EPS15: variants seen among roughly 807,000 people sequenced by gnomAD.
EPS15 encodes epidermal growth factor receptor substrate 15.
In EPS15, 72 loss-of-function variants were observed where a neutral mutation model predicts 113.8. The observed-to-expected ratio is 0.63, with a 90% CI of 0.52 to 0.77. The LOEUF (loss-of-function observed/expected upper bound fraction) is 0.77, where lower values mean the gene tolerates loss of function less well. EPS15 is among the 30% of genes least tolerant of loss of function. The pLI, the probability that EPS15 is intolerant of heterozygous loss-of-function variation, is 0.00. For missense variants in EPS15, 1,048 were observed against 1,045.8 expected, an observed-to-expected ratio of 1.00 and a Z score of -0.03; for synonymous variants, 344 against 363.4, an observed-to-expected ratio of 0.95 and a Z score of 0.61.
chr1:51,476,061 C>T (rs757446610), intron 2 of EPS15, among the ~76,000 whole-genome samples: 1 of 151,990 alleles, frequency 6.6e-6, no homozygotes, highest in Admixed American at 6.6e-5. Flanking sequence ...GGTACTAGTC[C>T]CATGCTGTTT....
chr1:51,451,246 T>A (rs1018075969), intron 8 of EPS15, among the ~76,000 whole-genome samples: 1 of 151,770 alleles, frequency 6.6e-6, no homozygotes, highest in African/African-American at 2.4e-5. Flanking sequence ...CCTAGCACTT[T>A]GGGAGGCTGA....
chr1:51,443,641 CT>C (rs1652774719), intron 11 of EPS15, among the ~76,000 whole-genome samples: 1 of 151,334 alleles, frequency 6.6e-6, no homozygotes, highest in Non-Finnish European at 1.5e-5. Flanking sequence ...AATTTTCTTT[CT>C]TTCTTTCTTT....
intron 1 of EPS15, among the ~76,000 whole-genome samples, chr1:51,481,942 G>A (rs942970094): frequency 6.6e-6 from 1 of 152,178 alleles, no homozygotes; most frequent in African/African-American, 2.4e-5. Context: ...GGCTGAGGCA[G>A]GAGGACTGCT....
chr1:51,453,908 G>A (rs1653768283), intron 8 of EPS15, among the ~76,000 whole-genome samples: 1 of 151,910 alleles, frequency 6.6e-6, no homozygotes, highest in Admixed American at 6.6e-5. Context: ...AAATTAGCTG[G>A]GCGTGGTGGC....
chr1:51,476,561 T>C (rs1643907609), intron 2 of EPS15, among the ~76,000 whole-genome samples: 2 of 152,326 alleles, frequency 1.3e-5, no homozygotes, highest in East Asian at 1.9e-4. Flanking sequence ...TATCATTTTT[T>C]ATTGCGTCTA....
rs541113424 is a variant in EPS15, at chr1:51,354,339, G to A, written c.*2361C>T. On this transcript the variant is annotated 3_prime_UTR_variant, in exon 25 of 25. Transcript: ENST00000371733. ...TTACATATATTAATCTGTGCTGATTGTATGTACCTACTCCTCCTTGGACAC... is the reference window on the plus strand; with the variant it reads ...TTACATATATTAATCTGTGCTGATTATATGTACCTACTCCTCCTTGGACAC... 1 of 179,546 alleles carries A rather than the reference G, an allele frequency of 5.6e-6. No individual in the cohort carries two copies. The allele number at this position is 179,546 out of a possible 1,614,324, so 11.1% of individuals were successfully genotyped here. A position where few individuals can be genotyped will look rare whatever the true frequency, so the allele number is the denominator to read the frequency against.
At chr1:51,393,459 C>T (rs1647596832) in intron 21 of EPS15, among the ~76,000 whole-genome samples, 1 of 152,218 alleles carries the variant, frequency 6.6e-6, no homozygotes, top group African/African-American at 2.4e-5. Context: ...GCCTTGGTTT[C>T]CCAAAATGCT....
At chr1:51,434,297 T>C (rs943422260) in intron 12 of EPS15, among the ~76,000 whole-genome samples, 9 of 152,172 alleles carry the variant, frequency 5.9e-5, no homozygotes, top group African/African-American at 2.2e-4. Context: ...ACAACCCAAA[T>C]GTCCATCAAT....
chr1:51,441,802 T>C (rs1214678238), intron 11 of EPS15, among the ~76,000 whole-genome samples: 4 of 152,154 alleles, frequency 2.6e-5, no homozygotes, highest in African/African-American at 4.8e-5. Context: ...AGCCAATACG[T>C]AGTTTAATCA....
chr1:51,371,001 C>T (rs1646635281), intron 21 of EPS15, among the ~76,000 whole-genome samples: 1 of 152,112 alleles, frequency 6.6e-6, no homozygotes, highest in South Asian at 2.1e-4. Flanking sequence ...CTGCAACTTC[C>T]ACCTCCCGGG....
At chr1:51,409,306 T>A (rs557954452) in intron 14 of EPS15, among the ~76,000 whole-genome samples, 1 of 152,242 alleles carries the variant, frequency 6.6e-6, no homozygotes, top group South Asian at 2.1e-4. Context: ...ATAGGCACCA[T>A]ATTTCCAACA....
chr1:51,374,519 G>A lies in EPS15; in HGVS notation c.2120-8490C>T, dbSNP rs567986814. Among the ~76,000 whole-genome samples, 7 of 152,104 alleles carry A rather than the reference G, an allele frequency of 4.6e-5. No individual in the cohort carries two copies. In the South Asian group the frequency reaches 1.5e-3, roughly 32 times the overall value. On this transcript the variant is annotated intron_variant, in intron 21 of 24. Transcript: ENST00000371733. ...CTCGGGAGGGTGAGGCAGGAGAATC[G>A]CTTGAACCTGGGAGGCGGAGGTTGC...
chr1:51,458,704 T>G (rs1654206054), intron 8 of EPS15: 2 of 274,424 alleles, frequency 7.3e-6, no homozygotes, highest in Non-Finnish European at 1.5e-5. Flanking sequence ...GCCACTGCAC[T>G]CCAGCCTGAG....
chr1:51,469,114 A>G (rs553706882), intron 4 of EPS15, among the ~76,000 whole-genome samples: 1 of 151,466 alleles, frequency 6.6e-6, no homozygotes, highest in East Asian at 1.9e-4. Context: ...TGGGTGACAG[A>G]GCGAGACTGT....
At chr1:51,368,828 T>TC (rs1646572499) in intron 21 of EPS15, among the ~76,000 whole-genome samples, 1 of 152,060 alleles carries the variant, frequency 6.6e-6, no homozygotes, top group South Asian at 2.1e-4. Context: ...GTCTCAAACC[T>TC]CTGACCTCAA....
chr1:51,391,853 C>T (rs1451470403), intron 21 of EPS15, among the ~76,000 whole-genome samples: 1 of 152,124 alleles, frequency 6.6e-6, no homozygotes, highest in Non-Finnish European at 1.5e-5. Flanking sequence ...CCAAGAAAAG[C>T]AGGTTTAGGA....
chr1:51,438,997 A>T (rs1408752012), intron 12 of EPS15, among the ~76,000 whole-genome samples: 1 of 152,166 alleles, frequency 6.6e-6, no homozygotes, highest in African/African-American at 2.4e-5. Context: ...CAATCCAATC[A>T]GACTGAATTT....
At chr1:51,429,714 G>T (rs897293847) in intron 12 of EPS15, among the ~76,000 whole-genome samples, 1 of 150,378 alleles carries the variant, frequency 6.6e-6, no homozygotes, top group Non-Finnish European at 1.5e-5. Flanking sequence ...GCAGTGGCGC[G>T]ATCTTGGCTC....
chr1:51,401,274 CAAA>C, intron 18 of EPS15: 8 of 159,538 alleles, frequency 5.0e-5, no homozygotes, highest in Non-Finnish European at 9.0e-5. Context: ...TTTACTGAAG[CAAA>C]AAAAAAAAAA....
Sources: allele counts gnomAD v4.1 joint callset (sites outside exome capture counted in the v4.1 genomes callset), GRCh38; gene constraint gnomAD v4.1.1; transcripts MANE v1.5; gene names NCBI Gene and HGNC (gene_info 2026-07-23, HGNC 2026-07-21).